PUS7L: variants seen among roughly 807,000 people sequenced by gnomAD.
The protein encoded by PUS7L is pseudouridylate synthase PUS7L.
In PUS7L, 49 loss-of-function variants were observed where a neutral mutation model predicts 51.1. The ratio of observed to expected loss-of-function variants is 0.96; its 90% confidence interval spans 0.76 to 1.22. The LOEUF (loss-of-function observed/expected upper bound fraction) is 1.22, where lower values mean the gene tolerates loss of function less well. Ranked by LOEUF, PUS7L falls within the 50% of genes most tolerant of loss-of-function variation. The pLI is 0.00. For synonymous variants in PUS7L, 277 were observed against 276.2 expected, an observed-to-expected ratio of 1.00 and a Z score of -0.03; for missense variants, 828 against 820.6, an observed-to-expected ratio of 1.01 and a Z score of -0.11.
In PUS7L at chr12:43,729,142, C is replaced by T; in HGVS notation, c.*1234G>A. On this transcript the variant is annotated 3_prime_UTR_variant, in exon 9 of 9. Transcript: ENST00000344862. ...CATATTTTACCATCAAGTTGATACA[C>T]ATCATTTTACTTACTTTAGTTACGT... 7.6e-6 allele frequency: 3 copies of T among 397,166 alleles called. No homozygotes were observed. Among genetic ancestry groups the T allele is most frequent in the Non-Finnish European group, 1.3e-5 (3 of 225,014 alleles). 24.6% of individuals were successfully genotyped at this position (397,166 alleles called of 1,614,324 possible). A position where few individuals can be genotyped will look rare whatever the true frequency, so the allele number is the denominator to read the frequency against.
chr12:43,755,525 C>T (rs1386079761), intron 1 of PUS7L, among the ~76,000 whole-genome samples: 2 of 152,138 alleles, frequency 1.3e-5, no homozygotes, highest in East Asian at 1.9e-4. Flanking sequence ...AGATTTGTAC[C>T]TATTATCCAG....
chr12:43,747,573 A>G (rs566886287), intron 3 of PUS7L, among the ~76,000 whole-genome samples: 2 of 152,070 alleles, frequency 1.3e-5, no homozygotes, highest in Non-Finnish European at 2.9e-5. Flanking sequence ...GGGCGCCTGT[A>G]ATCCCAGCTA....
chr12:43,754,631 T>A lies in PUS7L; in HGVS notation c.615A>T (p.Glu205Asp). 6.2e-7 allele frequency: 1 copy of A among 1,613,562 alleles called. No individual in the cohort carries two copies. The highest frequency in any genetic ancestry group is 8.5e-7 in the Non-Finnish European group (1 of 1,179,754). Residue 205 changes from glutamate (E) to aspartate (D), a missense_variant, in exon 2 of 9, where the codon GAA becomes GAT. By Grantham distance (45) the Glu-to-Asp change is conservative. Transcript: ENST00000344862. ...IVVKPNLEYK[E>D]LCHLVSEEEA... ...CCTCTTCAGATACCAAATGACAAAG[T>A]TCTTTATATTCAAGATTTGGTTTTA...
chr12:43,730,377 T>A lies in PUS7L; in HGVS notation c.2105A>T (p.Ter702LeuextTer2). ...CLKEIMKHDV[*>L] ...ATGGTTATACCAAGGGTATCAGTTT[T>A]AAACGTCATGCTTCATTATTTCCTT... Residue 702 changes from the stop codon to leucine (L), a stop_lost, in exon 9 of 9, where the codon TAA (stop) becomes TTA (leucine). Transcript: ENST00000344862. The A allele has an allele frequency of 6.2e-7, 1 of 1,612,068 alleles. No homozygotes were observed.
chr12:43,730,608 G>A lies in PUS7L; in HGVS notation c.1874C>T (p.Thr625Ile), dbSNP rs1944529885. The A allele has an allele frequency of 1.2e-6, 2 of 1,612,638 alleles. No individual in the cohort carries two copies. The highest frequency in any genetic ancestry group is 1.7e-6 in the Non-Finnish European group (2 of 1,178,750). The part of the protein sequence containing the change: ...HDILSRDGLQ[T>I]CRFKVPTLKL... ...CAGAGTAGGTACTTTAAACCTACAT[G>A]TCTGTAGTCCATCTCTGCTAAGTAT... Residue 625 changes from threonine to isoleucine, a missense_variant, in exon 9 of 9, where the codon ACA becomes ATA. Thr to Ile is a moderately conservative substitution (Grantham distance 89, BLOSUM62 -1). Coordinates refer to ENST00000344862, the MANE Select transcript of PUS7L (RefSeq NM_031292.5).
In PUS7L at chr12:43,738,344, A is replaced by C; in HGVS notation, c.1410T>G (p.Pro470=). Residue 470 remains proline, a synonymous_variant, in exon 6 of 9, where the codon CCT becomes CCG. Transcript: ENST00000344862. ...LFLTPEDLDD[P]VNRAKKYFLQ... Reference sequence around the variant, plus strand: ...GAAAATACTTCTTTGCTCTATTTACAGGATCATCCAAGTCTTCTGGTGTAA... The same window carrying C: ...GAAAATACTTCTTTGCTCTATTTACCGGATCATCCAAGTCTTCTGGTGTAA... The C allele has an allele frequency of 1.9e-6, 3 of 1,596,856 alleles. No individual in the cohort carries two copies. The highest frequency in any genetic ancestry group is 2.6e-6 in the Non-Finnish European group (3 of 1,164,954).
At chr12:43,737,652 C>T (rs1218287637) in intron 6 of PUS7L, among the ~76,000 whole-genome samples, 1 of 151,414 alleles carries the variant, frequency 6.6e-6, no homozygotes, top group East Asian at 1.9e-4. Context: ...GGCATTATTC[C>T]AAGGGCATAT....
chr12:43,739,400 G>A (rs1937777318), intron 5 of PUS7L: 1 of 152,192 alleles, frequency 6.6e-6, no homozygotes. Context: ...ATGAATTAAA[G>A]TTATGTTTCA....
intron 2 of PUS7L, among the ~76,000 whole-genome samples, chr12:43,752,885 T>C (rs918356207): frequency 6.6e-6 from 1 of 152,244 alleles, no homozygotes; most frequent in Non-Finnish European, 1.5e-5. Flanking sequence ...TTTTATGTTA[T>C]GTATATTTTA....
rs1938619526 is a variant in PUS7L, at chr12:43,754,852, T to C, written c.394A>G (p.Lys132Glu). Reference sequence around the variant, plus strand: ...AAATTATTCAGTAACTCATGAGTTTTTTCATCCAAAAAGGAGCTTAAAACA... The same window carrying C: ...AAATTATTCAGTAACTCATGAGTTTCTTCATCCAAAAAGGAGCTTAAAACA... Reference protein sequence around the residue: ...ADVLSSFLDEKTHELLNNFAC... With the variant: ...ADVLSSFLDEETHELLNNFAC... The change falls in exon 2 of 9, where the codon AAA becomes GAA. Residue 132 changes from lysine to glutamate, a missense_variant. Transcript: ENST00000344862. The C allele has an allele frequency of 6.2e-7, 1 of 1,613,412 alleles. No individual in the cohort carries two copies. The highest frequency in any genetic ancestry group is 1.3e-5 in the African/African-American group (1 of 74,880).
chr12:43,753,011 T>C (rs1938530320), intron 2 of PUS7L, among the ~76,000 whole-genome samples: 1 of 148,172 alleles, frequency 6.7e-6, no homozygotes, highest in South Asian at 2.1e-4. Context: ...TATAAAGTTC[T>C]ATAATTTTTT....
intron 2 of PUS7L, among the ~76,000 whole-genome samples, chr12:43,748,914 G>T (rs1047699068): frequency 6.6e-6 from 1 of 152,098 alleles, no homozygotes; most frequent in East Asian, 1.9e-4. Context: ...AGCAGGGATG[G>T]GGTTTCACCA....
At chr12:43,747,975 G>A (rs867225878) in intron 3 of PUS7L, among the ~76,000 whole-genome samples, 177 of 152,110 alleles carry the variant, frequency 1.2e-3, no homozygotes, top group African/African-American at 4.1e-3. Flanking sequence ...TTTTGGTAGA[G>A]ATGGGGTTTC....
chr12:43,721,970 G>T lies in PUS7L; in HGVS notation c.*8406C>A, dbSNP rs1489993594. 1 of 152,002 alleles carries T rather than the reference G, an allele frequency of 6.6e-6. No homozygotes were observed. Among genetic ancestry groups the T allele is most frequent in the East Asian group, 1.9e-4 (1 of 5,192 alleles). 9.4% of individuals were successfully genotyped at this position (152,002 alleles called of 1,614,324 possible). A position where few individuals can be genotyped will look rare whatever the true frequency, so the allele number is the denominator to read the frequency against. On this transcript the variant is annotated 3_prime_UTR_variant, in exon 9 of 9. Coordinates refer to ENST00000344862, the MANE Select transcript of PUS7L (RefSeq NM_031292.5). Reference sequence around the variant, plus strand: ...CAAGGGAAAAATAAATTACCTTCAGGTTATGTGTATAAGGTATATATGAAA... The same window carrying T: ...CAAGGGAAAAATAAATTACCTTCAGTTTATGTGTATAAGGTATATATGAAA...
At chr12:43,744,013 A>G (rs1228663422) in intron 4 of PUS7L, among the ~76,000 whole-genome samples, 1 of 152,204 alleles carries the variant, frequency 6.6e-6, no homozygotes, top group Non-Finnish European at 1.5e-5. Context: ...CATCATAAGA[A>G]CTAATGGAAG....
chr12:43,742,281 T>C (rs77880890), intron 5 of PUS7L, among the ~76,000 whole-genome samples, 176 bp downstream of exon 5: 7,551 of 152,306 alleles, frequency 0.05, 216 homozygotes, highest in Middle Eastern at 0.13. Context: ...TTGGCTTTCT[T>C]GTAATGTGAT....
chr12:43,724,858 A>G lies in PUS7L; in HGVS notation c.*5518T>C, dbSNP rs1004574289. 1 of 152,204 alleles carries G rather than the reference A, an allele frequency of 6.6e-6. No homozygotes were observed. The highest frequency in any genetic ancestry group is 2.4e-5 in the African/African-American group (1 of 41,452). The allele number at this position is 152,204 out of a possible 1,614,324, so 9.4% of individuals were successfully genotyped here. ...AATTGATTCTACCTCTTTAAAATTA[A>G]ATTTAGTTTTAAAGGAAACATAATA... is the stretch of plus-strand genomic sequence containing the variant. On this transcript the variant is annotated 3_prime_UTR_variant, in exon 9 of 9. Transcript: ENST00000344862.
rs762061953 is a variant in PUS7L, at chr12:43,731,705, C to T, written c.1779G>A (p.Gln593=). 2 of 1,550,386 alleles carry T rather than the reference C, an allele frequency of 1.3e-6. No homozygotes were observed. Among genetic ancestry groups the T allele is most frequent in the African/African-American group, 2.7e-5 (2 of 73,078 alleles). Residue 593 remains glutamine, a splice_region_variant and synonymous_variant, in exon 8 of 9, where the codon CAG becomes CAA. Coordinates refer to ENST00000344862, the MANE Select transcript of PUS7L (RefSeq NM_031292.5). ...GATAGTAATTTTTAAGCAAATTTAC[C>T]TGATGTATTGCATACATATTAGCTG... is the stretch of plus-strand genomic sequence containing the variant. The part of the protein sequence containing the change: ...EGSANMYAIH[Q]VVLPVLGYNI...
chr12:43,757,273 C>T (rs1453327836), intron 1 of PUS7L, among the ~76,000 whole-genome samples: 1 of 152,176 alleles, frequency 6.6e-6, no homozygotes, highest in Admixed American at 6.5e-5. Context: ...CGAGTTCGAG[C>T]GATTCTCCTA....
Sources: allele counts gnomAD v4.1 joint callset (sites outside exome capture counted in the v4.1 genomes callset), GRCh38; gene constraint gnomAD v4.1.1; transcripts MANE v1.5; gene names NCBI Gene and HGNC (gene_info 2026-07-23, HGNC 2026-07-21).